The following BBS9 variants were observed in gnomAD, a reference collection of about 807,000 sequenced individuals.
BBS9 encodes the protein Bardet-Biedl syndrome 9.
In BBS9, 89 loss-of-function variants were observed where a neutral mutation model predicts 117.7. The observed-to-expected ratio is 0.76, with a 90% CI of 0.64 to 0.90. The LOEUF (loss-of-function observed/expected upper bound fraction) is 0.90. Among genes scored for constraint, BBS9 ranks in the 40% least tolerant of loss-of-function variants. BBS9 has a pLI of 0.00. For synonymous variants in BBS9, 379 were observed against 370.9 expected (o/e 1.02, Z -0.25); for missense variants, 982 against 1,042.2 (o/e 0.94, Z 0.80).
At chr7:33,497,678 T>G (rs1157057841) in intron 19 of BBS9, among the ~76,000 whole-genome samples, 1 of 152,188 alleles carries the variant, frequency 6.6e-6, no homozygotes, top group African/African-American at 2.4e-5. Flanking sequence ...CTTGTTTTAA[T>G]AGTATTGCTA....
intron 14 of BBS9, chr7:33,351,980 T>C (rs371316898): frequency 6.5e-6 from 1 of 154,308 alleles, no homozygotes; most frequent in Admixed American, 6.4e-5. Flanking sequence ...CAGAAGTTCT[T>C]CTGGGTTCTG....
At chr7:33,132,151 T>A (rs1036239746) in intron 1 of BBS9, among the ~76,000 whole-genome samples, 2 of 152,224 alleles carry the variant, frequency 1.3e-5, no homozygotes, top group African/African-American at 2.4e-5. Context: ...GTGTTTAGAA[T>A]TAGTGTGAAT....
In BBS9 at chr7:33,300,854, A is replaced by C. The variant is rs576197333; in HGVS notation, c.1016+26898A>C. Among the ~76,000 whole-genome samples the C allele has an allele frequency of 7.2e-5, 11 of 152,190 alleles. No homozygotes were observed. The South Asian group carries it at 2.3e-3, about 32-fold the overall frequency. ...TTACTGTTTCTTTTTGTATGGGTCT[A>C]CTGTTAAGTAAATCTGTCAGTTTTT... is the stretch of plus-strand genomic sequence containing the variant. On this transcript the variant is annotated intron_variant, in intron 9 of 22. Transcript: ENST00000242067.
chr7:33,334,400 C>T (rs77837594), intron 9 of BBS9, among the ~76,000 whole-genome samples: 3 of 152,092 alleles, frequency 2.0e-5, no homozygotes, highest in Non-Finnish European at 2.9e-5. Context: ...GAAGCCCCCC[C>T]CAGAGGTCTG....
At chr7:33,583,808 G>A (rs768395344) in intron 21 of BBS9, among the ~76,000 whole-genome samples, 11 of 152,094 alleles carry the variant, frequency 7.2e-5, no homozygotes, top group Non-Finnish European at 1.2e-4. Context: ...GTGACCTTGG[G>A]TAAGTTATTT....
intron 20 of BBS9, among the ~76,000 whole-genome samples, chr7:33,516,619 T>C (rs1207738989): frequency 2.6e-5 from 4 of 152,042 alleles, no homozygotes; most frequent in African/African-American, 4.8e-5. Context: ...CAGGAAGTTA[T>C]AGAAAAAGGC....
intron 9 of BBS9, among the ~76,000 whole-genome samples, chr7:33,279,150 T>C (rs1801341719): frequency 6.6e-6 from 1 of 152,098 alleles, no homozygotes; most frequent in Non-Finnish European, 1.5e-5. Context: ...CTCAGGAGCC[T>C]CCTGAGTAGC....
chr7:33,628,156 C>CT (rs982808423), intron 21 of BBS9, among the ~76,000 whole-genome samples: 1 of 152,076 alleles, frequency 6.6e-6, no homozygotes, highest in African/African-American at 2.4e-5. Flanking sequence ...ACATTTCCAC[C>CT]TTTTTTTAAA....
At chr7:33,320,669 G>C (rs1442200482) in intron 9 of BBS9, among the ~76,000 whole-genome samples, 1 of 152,052 alleles carries the variant, frequency 6.6e-6, no homozygotes, top group Non-Finnish European at 1.5e-5. Flanking sequence ...CTTTGAAACT[G>C]CTCTTCATAG....
chr7:33,403,007 G>T (rs955550934), intron 19 of BBS9, among the ~76,000 whole-genome samples: 2 of 144,650 alleles, frequency 1.4e-5, no homozygotes, highest in African/African-American at 5.8e-5. Flanking sequence ...CCATGTTGCT[G>T]CAAAGATATG....
At chr7:33,190,118 A>ATTTTTT in intron 5 of BBS9, among the ~76,000 whole-genome samples, 1 of 117,710 alleles carries the variant, frequency 8.5e-6, no homozygotes, top group African/African-American at 3.3e-5. Context: ...TTACATGGGG[A>ATTTTTT]TTTTTTTTTT....
At chr7:33,474,683 C>T (rs969809096) in intron 19 of BBS9, among the ~76,000 whole-genome samples, 3 of 152,196 alleles carry the variant, frequency 2.0e-5, no homozygotes, top group African/African-American at 7.2e-5. Flanking sequence ...CGTGATGGCT[C>T]ACTCCTGTAA....
At chr7:33,271,521 C>T (rs899857636) in intron 7 of BBS9, among the ~76,000 whole-genome samples, 3 of 152,076 alleles carry the variant, frequency 2.0e-5, no homozygotes, top group Non-Finnish European at 2.9e-5. Context: ...ATGAAGAAAA[C>T]TCTGTGAAGC....
At chr7:33,141,626 T>C (rs17169807) in intron 1 of BBS9, among the ~76,000 whole-genome samples, 12,531 of 152,166 alleles carry the variant, frequency 0.082, 548 homozygotes, top group South Asian at 0.13. Flanking sequence ...ATTAAATTGA[T>C]GTTAGTATAA....
chr7:33,229,561 C>T (rs1405853346), intron 5 of BBS9, among the ~76,000 whole-genome samples: 1 of 151,474 alleles, frequency 6.6e-6, no homozygotes, highest in African/African-American at 2.4e-5. Flanking sequence ...TGGCAAATGG[C>T]AAGATCCCAT....
intron 21 of BBS9, among the ~76,000 whole-genome samples, chr7:33,563,294 CAAGACCA>C (rs1856365685): frequency 6.6e-6 from 1 of 152,170 alleles, no homozygotes; most frequent in African/African-American, 2.4e-5. Context: ...AAACCAAGGT[CAAGACCA>C]CTGGAACCTG....
At chr7:33,565,218 T>C (rs1856666686) in intron 21 of BBS9, among the ~76,000 whole-genome samples, 1 of 152,208 alleles carries the variant, frequency 6.6e-6, no homozygotes, top group Non-Finnish European at 1.5e-5. Context: ...GTGTTTCACA[T>C]ATTTCCATGT....
intron 21 of BBS9, among the ~76,000 whole-genome samples, chr7:33,614,358 C>A (rs1054537441): frequency 6.6e-6 from 1 of 151,976 alleles, no homozygotes; most frequent in Admixed American, 6.6e-5. Context: ...CATTACCCAC[C>A]CTCTTTATAT....
At chr7:33,414,928 G>A (rs997552323) in intron 19 of BBS9, among the ~76,000 whole-genome samples, 1 of 152,116 alleles carries the variant, frequency 6.6e-6, no homozygotes, top group African/African-American at 2.4e-5. Context: ...TAGGGTAGTG[G>A]TTTTCACATT....
Sources: gnomAD v4.1 joint callset for allele counts (sites outside exome capture counted in the v4.1 genomes callset) on GRCh38, gnomAD v4.1.1 for gene constraint, MANE v1.5 for transcripts, NCBI Gene and HGNC (gene_info 2026-07-23, HGNC 2026-07-21) for gene names.